MAD1L1: variants seen among roughly 807,000 people sequenced by gnomAD.
The protein encoded by MAD1L1 is mitotic spindle assembly checkpoint protein MAD1.
Under a neutral mutation model 96.9 loss-of-function variants are expected in MAD1L1, and 95 were observed. That is an observed-to-expected ratio of 0.98 (90% CI 0.83 to 1.16). MAD1L1 has a LOEUF of 1.16. Among genes scored for constraint, MAD1L1 ranks in the 50% most tolerant of loss-of-function variants. The pLI is 0.00. For synonymous variants in MAD1L1, 473 were observed against 396.6 expected, an observed-to-expected ratio of 1.19 and a Z score of -2.29; for missense variants, 1,007 against 954.4, an observed-to-expected ratio of 1.06 and a Z score of -0.73.
intron 17 of MAD1L1, among the ~76,000 whole-genome samples, chr7:1,933,401 G>T (rs1789593390): frequency 6.6e-6 from 1 of 152,174 alleles, no homozygotes; most frequent in African/African-American, 2.4e-5. Context: ...CCCGTGTTCT[G>T]CAGGGCACGT....
intron 10 of MAD1L1, among the ~76,000 whole-genome samples, 177 bp from the exon 11 acceptor site, chr7:2,149,415 C>G (rs1789461648): frequency 6.6e-6 from 1 of 152,186 alleles, no homozygotes; most frequent in South Asian, 2.1e-4. Flanking sequence ...CTGGGGTCAA[C>G]CACAGCCCCC....
chr7:2,044,050 G>C (rs1369118749), intron 12 of MAD1L1, among the ~76,000 whole-genome samples: 1 of 152,254 alleles, frequency 6.6e-6, no homozygotes, highest in African/African-American at 2.4e-5. Context: ...GATGGAGAGA[G>C]GAGGGGAGAC....
intron 12 of MAD1L1, among the ~76,000 whole-genome samples, chr7:2,021,885 G>A (rs1045612559): frequency 1.3e-5 from 2 of 152,102 alleles, no homozygotes; most frequent in Non-Finnish European, 2.9e-5. Context: ...TCCCATGAGA[G>A]GTCAGAAACT....
At position 1,896,382 on chromosome 7, in the gene MAD1L1, T is replaced by C. The variant is rs368683977; in HGVS notation, c.1998+1818A>G. Among the ~76,000 whole-genome samples the C allele has an allele frequency of 4.1e-3, 625 of 152,132 alleles. 2 individuals are homozygous for C. The highest frequency in any genetic ancestry group is 0.014 in the African/African-American group (591 of 41,510). On this transcript the variant is annotated intron_variant, in intron 18 of 18. Transcript: ENST00000265854. The stretch of plus-strand genomic sequence containing the variant: ...CGAGCAGGAAGAGCGGCAGGGCCCA[T>C]GCTCGAGGGTATGACGGGGATGGAC...
At chr7:2,124,658 C>T (rs1177147346) in intron 11 of MAD1L1, among the ~76,000 whole-genome samples, 1 of 152,166 alleles carries the variant, frequency 6.6e-6, no homozygotes, top group East Asian at 1.9e-4. Context: ...TCCACGCCTC[C>T]CCAGGGGCAG....
intron 10 of MAD1L1, chr7:2,175,232 G>A (rs3779014): frequency 6.6e-6 from 1 of 152,238 alleles, no homozygotes; most frequent in Non-Finnish European, 1.5e-5. Flanking sequence ...GGCTGAGCAA[G>A]GACCAGGGCC....
intron 14 of MAD1L1, among the ~76,000 whole-genome samples, chr7:1,983,113 C>T (rs539104411): frequency 1.8e-4 from 28 of 151,762 alleles, no homozygotes; most frequent in Non-Finnish European, 3.5e-4. Context: ...CACGTGCACA[C>T]ACGCACACAC....
chr7:2,077,170 G>A (rs144107437), intron 11 of MAD1L1, among the ~76,000 whole-genome samples: 12 of 152,272 alleles, frequency 7.9e-5, no homozygotes, highest in African/African-American at 2.4e-4. Context: ...TGGCCTCAAG[G>A]GTTAAGATGT....
chr7:2,185,747 G>A (rs747274878), intron 10 of MAD1L1, among the ~76,000 whole-genome samples: 4 of 152,250 alleles, frequency 2.6e-5, no homozygotes, highest in East Asian at 1.9e-4. Context: ...AGGTGAGAAC[G>A]TGACGGTCAG....
At position 1,822,701 on chromosome 7, in the gene MAD1L1, G is replaced by A. The variant is rs190134327; in HGVS notation, c.1999-6473C>T. On this transcript the variant is annotated intron_variant, in intron 18 of 18. Coordinates refer to ENST00000265854, the MANE Select transcript of MAD1L1 (RefSeq NM_001013836.2). ...GGCTTCCCCAAGTGTTGGGATTACA[G>A]GCGTGAGCCACCATGCCCGGCCAGC... 1.5e-3 allele frequency among the ~76,000 whole-genome samples: 221 copies of A among 151,208 alleles called. 6 individuals carry two copies. In the South Asian group the frequency reaches 0.037, roughly 26 times the overall value.
chr7:1,911,201 C>A (rs1288666507), intron 17 of MAD1L1, among the ~76,000 whole-genome samples: 2 of 152,042 alleles, frequency 1.3e-5, no homozygotes, highest in African/African-American at 4.8e-5. Flanking sequence ...CACTCAACAC[C>A]CGCTGGACAC....
chr7:1,858,615 C>T (rs562821923), intron 18 of MAD1L1, among the ~76,000 whole-genome samples: 5 of 152,318 alleles, frequency 3.3e-5, no homozygotes, highest in African/African-American at 1.2e-4. Context: ...TCCTACCTGG[C>T]GGGGCTGCTA....
At chr7:1,836,957 A>C (rs952154721) in intron 18 of MAD1L1, among the ~76,000 whole-genome samples, 1 of 152,214 alleles carries the variant, frequency 6.6e-6, no homozygotes, top group Non-Finnish European at 1.5e-5. Flanking sequence ...AAAATAAAAG[A>C]CGGGTAAGTT....
intron 11 of MAD1L1, among the ~76,000 whole-genome samples, chr7:2,086,547 T>A (rs905870570): frequency 6.6e-6 from 1 of 151,996 alleles, no homozygotes; most frequent in Non-Finnish European, 1.5e-5. Flanking sequence ...CCACAATTGC[T>A]CTTTTTCTTT....
At chr7:2,161,624 G>A (rs577662159) in intron 10 of MAD1L1, among the ~76,000 whole-genome samples, 3 of 150,738 alleles carry the variant, frequency 2.0e-5, no homozygotes, top group African/African-American at 4.9e-5. Context: ...AGTGAGGAGC[G>A]CCTCTTCCCG....
chr7:1,872,104 T>G (rs1237707053), intron 18 of MAD1L1, among the ~76,000 whole-genome samples: 1 of 152,110 alleles, frequency 6.6e-6, no homozygotes, highest in Non-Finnish European at 1.5e-5. Context: ...GGGAGCCTCC[T>G]CCACACCCTG....
At chr7:2,225,182 G>C (rs1199366961) in intron 4 of MAD1L1, among the ~76,000 whole-genome samples, 1 of 151,000 alleles carries the variant, frequency 6.6e-6, no homozygotes, top group African/African-American at 2.5e-5. Flanking sequence ...GGGCGTGTCA[G>C]GCTTCCAGCC....
At chr7:2,049,909 C>T (rs542056272) in intron 12 of MAD1L1, among the ~76,000 whole-genome samples, 1 of 149,496 alleles carries the variant, frequency 6.7e-6, no homozygotes, top group South Asian at 2.1e-4. Flanking sequence ...GGGCACCTCA[C>T]CCAACATCTG....
chr7:1,948,112 C>T (rs964308201), intron 16 of MAD1L1, among the ~76,000 whole-genome samples: 4 of 152,108 alleles, frequency 2.6e-5, no homozygotes, highest in African/African-American at 9.7e-5. Flanking sequence ...GTGAGTGTCC[C>T]GGGCCTCATC....
Sources: gnomAD v4.1 joint callset for allele counts (sites outside exome capture counted in the v4.1 genomes callset) on GRCh38, gnomAD v4.1.1 for gene constraint, MANE v1.5 for transcripts, NCBI Gene and HGNC (gene_info 2026-07-23, HGNC 2026-07-21) for gene names.